The following CD4 variants were observed in gnomAD, a reference collection of about 807,000 sequenced individuals.
CD4 encodes CD4 molecule, also known as T-cell surface glycoprotein CD4.
CD4 carries 25 observed loss-of-function variants against 50.5 expected under a neutral mutation model. That is an observed-to-expected ratio of 0.49 (90% CI 0.36 to 0.69). The LOEUF (loss-of-function observed/expected upper bound fraction) is 0.69, where lower values mean the gene tolerates loss of function less well. CD4 is among the 30% of genes least tolerant of loss of function. CD4 has a pLI of 0.00. For missense variants in CD4, 456 were observed against 548.5 expected, an observed-to-expected ratio of 0.83 and a Z score of 1.68; for synonymous variants, 207 against 221.9, an observed-to-expected ratio of 0.93 and a Z score of 0.60.
intron 3 of CD4, among the ~76,000 whole-genome samples, chr12:6,808,182 C>T (rs1942827733): frequency 6.6e-6 from 1 of 150,710 alleles, no homozygotes; most frequent in East Asian, 2.0e-4. Flanking sequence ...TGGCCAGGCG[C>T]AGTGGCTCAC....
At position 6,818,775 on chromosome 12, in the gene CD4, TC is replaced by T. The variant is rs1270209648; in HGVS notation, c.1279-66del. The T allele has an allele frequency of 1.4e-6, 2 of 1,398,262 alleles. No homozygotes were observed. Among genetic ancestry groups the T allele is most frequent in the Non-Finnish European group, 2.0e-6 (2 of 983,944 alleles). 86.6% of individuals were successfully genotyped at this position (1,398,262 alleles called of 1,614,324 possible). ...CTTCTCCTGTCGCAGCTTCCCCCAC[TC>T]CCCCCACCAAGGGGCACCTCCCTTC... On this transcript the variant is annotated intron_variant, in intron 8 of 9. Coordinates refer to ENST00000011653, the MANE Select transcript of CD4 (RefSeq NM_000616.5). The surrounding 1 kb of genome is among the most constrained non-coding windows in gnomAD (Gnocchi z 5.0).
intron 3 of CD4, among the ~76,000 whole-genome samples, chr12:6,807,020 A>G (rs887531989): frequency 6.6e-5 from 10 of 152,034 alleles, no homozygotes; most frequent in African/African-American, 2.2e-4. Context: ...ACAAAAAATT[A>G]GCCGGGCGTG....
At chr12:6,791,389 C>T (rs942109944) in intron 1 of CD4, among the ~76,000 whole-genome samples, 1 of 152,178 alleles carries the variant, frequency 6.6e-6, no homozygotes, top group African/African-American at 2.4e-5. Context: ...ATTACAGGAG[C>T]CCAACACCAC....
intron 3 of CD4, among the ~76,000 whole-genome samples, chr12:6,811,594 G>C (rs1280256214): frequency 1.4e-5 from 2 of 146,994 alleles, no homozygotes; most frequent in African/African-American, 5.0e-5. Flanking sequence ...CCGGGTTCAA[G>C]CCATTCTCCT....
At chr12:6,806,996 T>C (rs1044795835) in intron 3 of CD4, among the ~76,000 whole-genome samples, 12 of 152,050 alleles carry the variant, frequency 7.9e-5, no homozygotes, top group African/African-American at 2.9e-4. Context: ...TGAAACCCTG[T>C]CTCTACTAAA....
chr12:6,801,705 CGTATG>C (rs1565492511), intron 3 of CD4, among the ~76,000 whole-genome samples: 2 of 150,396 alleles, frequency 1.3e-5, no homozygotes, highest in Non-Finnish European at 3.0e-5. Context: ...GGACTACAGG[CGTATG>C]CCACCATGCC....
chr12:6,790,677 G>T (rs959261414), intron 1 of CD4, among the ~76,000 whole-genome samples: 2 of 152,256 alleles, frequency 1.3e-5, no homozygotes, highest in South Asian at 4.1e-4. Context: ...CAGCCTTTCC[G>T]CCCTCAGACC....
At chr12:6,793,278 CA>C (rs1191213620) in intron 1 of CD4, among the ~76,000 whole-genome samples, 1 of 152,102 alleles carries the variant, frequency 6.6e-6, no homozygotes, top group African/African-American at 2.4e-5. Flanking sequence ...CTGGGGGAGT[CA>C]AAACAGCCAC....
chr12:6,815,563 T>C (rs1943063509), intron 5 of CD4, among the ~76,000 whole-genome samples: 1 of 152,152 alleles, frequency 6.6e-6, no homozygotes, highest in Non-Finnish European at 1.5e-5. Flanking sequence ...CTTGGGTGAG[T>C]TACTAAACCT....
rs186463069 is a variant in CD4 at position 6,819,737 on chromosome 12, G to T, written c.*408G>T. 1.8e-3 allele frequency: 359 copies of T among 197,944 alleles called. 1 individual carries two copies. The highest frequency in any genetic ancestry group is 3.1e-3 in the Non-Finnish European group (304 of 96,718). The allele number at this position is 197,944 out of a possible 1,614,324, so 12.3% of individuals were successfully genotyped here. A position where few individuals can be genotyped will look rare whatever the true frequency, so the allele number is the denominator to read the frequency against. ...AGGACCCTGGGACCACAGAGGGCAG[G>T]AACTTGCACAAAATCACACAGCCAA... is the stretch of plus-strand genomic sequence containing the variant. On this transcript the variant is annotated 3_prime_UTR_variant, in exon 10 of 10. Coordinates refer to ENST00000011653, the MANE Select transcript of CD4 (RefSeq NM_000616.5).
At chr12:6,790,331 A>C (rs1281726867) in intron 1 of CD4, among the ~76,000 whole-genome samples, 1 of 152,142 alleles carries the variant, frequency 6.6e-6, no homozygotes, top group African/African-American at 2.4e-5. Flanking sequence ...TGTATTTTTA[A>C]ATTTTTGTCT....
In CD4 at chr12:6,792,818, G is replaced by A. The variant is rs573998375; in HGVS notation, c.-68+3156G>A. 6.7e-4 allele frequency among the ~76,000 whole-genome samples: 102 copies of A among 152,298 alleles called. No homozygotes were observed. Among genetic ancestry groups the A allele is most frequent in the African/African-American group, 2.3e-3 (96 of 41,556 alleles). Reference sequence around the variant, plus strand: ...GGCAAGGGGCATTCCAGGGGAGCCCGGGAGAGCCAGCACGGCCGCCTGGTA... The same window carrying A: ...GGCAAGGGGCATTCCAGGGGAGCCCAGGAGAGCCAGCACGGCCGCCTGGTA... On this transcript the variant is annotated intron_variant, in intron 1 of 9. Transcript: ENST00000011653. This position sits in a 1 kb window ranked among gnomAD's most constrained non-coding sequence, Gnocchi z 4.1.
At position 6,816,595 on chromosome 12, in the gene CD4, C is replaced by T. The variant is rs1555117997; in HGVS notation, c.955+192C>T. Among the ~76,000 whole-genome samples the T allele has an allele frequency of 6.6e-6, 1 of 152,236 alleles. No homozygotes were observed. The highest frequency in any genetic ancestry group is 2.4e-5 in the African/African-American group (1 of 41,462). The stretch of plus-strand genomic sequence containing the variant: ...CATCCATGAGCCAGCCTGGGGCTGG[C>T]TTCACTGAAGATCCCCAAAGCACTT... On this transcript the variant is annotated intron_variant, in intron 6 of 9. Transcript: ENST00000011653. The surrounding 1 kb of genome is among the most constrained non-coding windows in gnomAD (Gnocchi z 4.9).
chr12:6,799,006 C>G (rs1353936198), intron 1 of CD4: 2 of 152,466 alleles, frequency 1.3e-5, no homozygotes, highest in Non-Finnish European at 2.9e-5. Flanking sequence ...CTCCATGCAT[C>G]CTTTTCTGAT....
chr12:6,814,001 C>T, intron 3 of CD4, 141 bp from the exon 4 acceptor site: 1 of 713,088 alleles, frequency 1.4e-6, no homozygotes, highest in Non-Finnish European at 2.4e-6. Flanking sequence ...CCTTGCCAGA[C>T]CGGGTTTCTC....
chr12:6,799,536 A>C (rs1274356798), intron 1 of CD4: 4 of 153,374 alleles, frequency 2.6e-5, no homozygotes, highest in African/African-American at 9.7e-5. Context: ...CTTTTTTTGC[A>C]GTGGTGCAAT....
intron 3 of CD4, among the ~76,000 whole-genome samples, chr12:6,806,127 C>T (rs1334910371): frequency 1.9e-4 from 26 of 138,460 alleles, no homozygotes; most frequent in African/African-American, 3.7e-4. Context: ...GAGGAAACCC[C>T]GTCTCTACCA....
At chr12:6,815,247 C>T (rs1442610527) in intron 5 of CD4, among the ~76,000 whole-genome samples, 4 of 152,072 alleles carry the variant, frequency 2.6e-5, no homozygotes, top group East Asian at 3.9e-4. Context: ...GCTAGAGGCC[C>T]GAGTCTCCTT....
chr12:6,798,192 CAG>C (rs1422138346), intron 1 of CD4, among the ~76,000 whole-genome samples: 2 of 145,548 alleles, frequency 1.4e-5, no homozygotes, highest in African/African-American at 5.1e-5. Flanking sequence ...TTTTTTGAGA[CAG>C]AGTCTTGCTC....
Sources: gnomAD v4.1 joint callset for allele counts (sites outside exome capture counted in the v4.1 genomes callset) on GRCh38, gnomAD v4.1.1 for gene constraint, Gnocchi (gnomAD v3.1) non-coding constraint, MANE v1.5 for transcripts, NCBI Gene and HGNC (gene_info 2026-07-23, HGNC 2026-07-21) for gene names.